The following MAD1L1 variants were observed in gnomAD, a reference collection of about 807,000 sequenced individuals.
MAD1L1 encodes the protein mitotic arrest deficient 1 like 1, also known as mitotic spindle assembly checkpoint protein MAD1.
In MAD1L1, 95 loss-of-function variants were observed where a neutral mutation model predicts 96.9. The ratio of observed to expected loss-of-function variants is 0.98; its 90% CI spans 0.83 to 1.16. MAD1L1 has a LOEUF of 1.16. Ranked by LOEUF, MAD1L1 falls within the 50% of genes most tolerant of loss-of-function variation. The probability of loss-of-function intolerance (pLI) is 0.00; values close to 1 mark genes in which losing one functional copy is unlikely to be tolerated. For synonymous variants in MAD1L1, 473 were observed against 396.6 expected (o/e 1.19, Z -2.29); for missense variants, 1,007 against 954.4 (o/e 1.06, Z -0.73).
At chr7:1,857,084 A>G (rs975026663) in intron 18 of MAD1L1, among the ~76,000 whole-genome samples, 4 of 152,166 alleles carry the variant, frequency 2.6e-5, no homozygotes, top group African/African-American at 4.8e-5. Context: ...CAGGCAGGAC[A>G]GTGTCAGGGT....
At chr7:1,999,547 G>A (rs998448534) in intron 14 of MAD1L1, among the ~76,000 whole-genome samples, 4 of 152,172 alleles carry the variant, frequency 2.6e-5, no homozygotes, top group Non-Finnish European at 4.4e-5. Flanking sequence ...AAACCTCAGC[G>A]GGACTGCGGG....
At chr7:2,186,208 T>C (rs1018835434) in intron 10 of MAD1L1, among the ~76,000 whole-genome samples, 3 of 152,310 alleles carry the variant, frequency 2.0e-5, no homozygotes, top group African/African-American at 4.8e-5. Flanking sequence ...TTCCCATCAA[T>C]AAAAAGAATG....
chr7:2,060,176 T>A (rs765823396), intron 12 of MAD1L1, among the ~76,000 whole-genome samples: 5 of 145,218 alleles, frequency 3.4e-5, no homozygotes, highest in Admixed American at 6.8e-5. Flanking sequence ...GATACGCCGA[T>A]GCCGAGATAC....
intron 18 of MAD1L1, among the ~76,000 whole-genome samples, chr7:1,843,932 G>A (rs1456410002): frequency 2.0e-5 from 3 of 152,244 alleles, no homozygotes; most frequent in African/African-American, 7.2e-5. Flanking sequence ...CCATGGCTAG[G>A]GGCGGGGAGG....
chr7:1,887,670 T>A (rs1311870565), intron 18 of MAD1L1, among the ~76,000 whole-genome samples: 2 of 136,774 alleles, frequency 1.5e-5, no homozygotes, highest in Admixed American at 7.7e-5. Flanking sequence ...CATGTGTGTG[T>A]GAGCATGAAT....
intron 7 of MAD1L1, among the ~76,000 whole-genome samples, chr7:2,216,518 G>C (rs1390371507): frequency 6.6e-6 from 1 of 152,172 alleles, no homozygotes; most frequent in Non-Finnish European, 1.5e-5. Context: ...AAACTTTTCT[G>C]TGTGACACTC....
rs1562397366 is a variant in MAD1L1, at chr7:2,232,878, C to CGCTCGCAGCCA, written c.-207_-197dup. On this transcript the variant is annotated 5_prime_UTR_variant, in exon 1 of 19. It removes the in-frame stop codon of an upstream open reading frame in the 5' UTR. Transcript: ENST00000265854. The stretch of plus-strand genomic sequence containing the variant: ...CGCGAGCCGGGCCGCTTACCTCAGC[C>CGCTCGCAGCCA]GCTCGCAGCCAGCTTGCCGCCGCCG... 6.6e-6 allele frequency: 1 copy of CGCTCGCAGCCA among 152,326 alleles called. No homozygotes were observed. Among genetic ancestry groups the CGCTCGCAGCCA allele is most frequent in the African/African-American group, 2.4e-5 (1 of 41,460 alleles). The allele number at this position is 152,326 out of a possible 1,614,324, so 9.4% of individuals were successfully genotyped here. A position where few individuals can be genotyped will look rare whatever the true frequency, so the allele number is the denominator to read the frequency against.
intron 18 of MAD1L1, among the ~76,000 whole-genome samples, chr7:1,841,033 G>A (rs1305740473): frequency 6.6e-6 from 1 of 152,228 alleles, no homozygotes; most frequent in Non-Finnish European, 1.5e-5. Context: ...TCCACTGCCG[G>A]CGGCTGGTGG....
At chr7:2,215,307 G>A (rs1010794259) in intron 9 of MAD1L1, among the ~76,000 whole-genome samples, 2 of 150,652 alleles carry the variant, frequency 1.3e-5, no homozygotes, top group Non-Finnish European at 2.9e-5. Context: ...GTACCCGGGA[G>A]GCGGAGGTTG....
chr7:1,941,625 G>C (rs923672190), intron 16 of MAD1L1, among the ~76,000 whole-genome samples: 2 of 152,220 alleles, frequency 1.3e-5, no homozygotes, highest in Non-Finnish European at 2.9e-5. Flanking sequence ...CAGCCGCTAC[G>C]CATGCACCAC....
intron 12 of MAD1L1, among the ~76,000 whole-genome samples, chr7:2,052,763 G>A (rs1317581851): frequency 6.6e-6 from 1 of 152,224 alleles, no homozygotes; most frequent in Non-Finnish European, 1.5e-5. Flanking sequence ...AGCTACGGCA[G>A]CTGGCATGGG....
intron 10 of MAD1L1, among the ~76,000 whole-genome samples, chr7:2,184,574 G>A (rs983100403): frequency 1.3e-5 from 2 of 152,178 alleles, no homozygotes; most frequent in African/African-American, 2.4e-5. Context: ...CGAGAGAATG[G>A]AAACATAGGA....
At chr7:2,170,157 T>C (rs960428201) in intron 10 of MAD1L1, among the ~76,000 whole-genome samples, 1 of 152,216 alleles carries the variant, frequency 6.6e-6, no homozygotes, top group African/African-American at 2.4e-5. Flanking sequence ...CTTGTCCCTA[T>C]GGGCTTTGGC....
chr7:2,005,125 C>A (rs978523485), intron 13 of MAD1L1, among the ~76,000 whole-genome samples: 1 of 152,144 alleles, frequency 6.6e-6, no homozygotes, highest in African/African-American at 2.4e-5. Flanking sequence ...ACACGCAGGG[C>A]CCTGGGTTCA....
At chr7:2,063,765 C>T (rs1784762756) in intron 12 of MAD1L1, among the ~76,000 whole-genome samples, 1 of 152,222 alleles carries the variant, frequency 6.6e-6, no homozygotes, top group Non-Finnish European at 1.5e-5. Context: ...TTGTCATGGC[C>T]AGGGTGCGGC....
intron 18 of MAD1L1, among the ~76,000 whole-genome samples, chr7:1,841,946 C>A (rs1783286575): frequency 6.6e-6 from 1 of 152,336 alleles, no homozygotes; most frequent in South Asian, 2.1e-4. Flanking sequence ...CGTCACCACC[C>A]CAGCCCTCAG....
At chr7:1,947,989 T>C (rs1779309716) in intron 16 of MAD1L1, among the ~76,000 whole-genome samples, 1 of 152,268 alleles carries the variant, frequency 6.6e-6, no homozygotes, top group Admixed American at 6.5e-5. Context: ...ACAGAGGCCA[T>C]GCTGCTGTCC....
intron 13 of MAD1L1, among the ~76,000 whole-genome samples, chr7:2,004,704 TC>T (rs1399888549): frequency 6.6e-6 from 1 of 152,216 alleles, no homozygotes; most frequent in African/African-American, 2.4e-5. Flanking sequence ...GCAGGCATTT[TC>T]CGAAGGCTTC....
intron 10 of MAD1L1, among the ~76,000 whole-genome samples, chr7:2,210,535 C>T (rs1792880360): frequency 7.3e-6 from 1 of 137,516 alleles, no homozygotes; most frequent in African/African-American, 2.7e-5. Context: ...CCCGCATTCC[C>T]GTGGACTCTC....
Sources: allele counts gnomAD v4.1 joint callset (sites outside exome capture counted in the v4.1 genomes callset), GRCh38; gene constraint gnomAD v4.1.1; transcripts MANE v1.5; gene names NCBI Gene and HGNC (gene_info 2026-07-23, HGNC 2026-07-21).